Variants in KCNN2 observed in about 807,000 individuals in gnomAD.
The protein encoded by KCNN2 is potassium calcium-activated channel subfamily N member 2, also known as small conductance calcium-activated potassium channel protein 2.
A neutral mutation model predicts 55.5 loss-of-function variants in KCNN2; 24 were observed. The observed-to-expected ratio is 0.43, with a 90% CI of 0.31 to 0.61. The LOEUF (loss-of-function observed/expected upper bound fraction) is 0.61, where lower values mean the gene tolerates loss of function less well. KCNN2 is among the 20% of genes least tolerant of loss of function. The pLI is 0.08. For missense variants in KCNN2, 754 were observed against 853.6 expected (o/e 0.88, Z 1.45); for synonymous variants, 431 against 336.1 (o/e 1.28, Z -3.09).
At chr5:114,161,479 C>T (rs1752780809) in intron 1 of KCNN2, among the ~76,000 whole-genome samples, 1 of 151,420 alleles carries the variant, frequency 6.6e-6, no homozygotes, top group African/African-American at 2.4e-5. Flanking sequence ...AATTATGTGT[C>T]TTGGAGTTGC....
chr5:114,269,293 C>A (rs1482314451), intron 2 of KCNN2, among the ~76,000 whole-genome samples: 8 of 152,120 alleles, frequency 5.3e-5, no homozygotes, highest in Non-Finnish European at 1.2e-4. Context: ...ACATAAGCTA[C>A]CCTAAAGGCA....
intron 1 of KCNN2, among the ~76,000 whole-genome samples, chr5:114,208,376 C>T (rs1753815229): frequency 6.6e-6 from 1 of 152,156 alleles, no homozygotes; most frequent in African/African-American, 2.4e-5. Context: ...ATAGAGGCCA[C>T]TATGTGGGGT....
chr5:114,223,600 C>A (rs190505343), intron 2 of KCNN2, among the ~76,000 whole-genome samples: 2 of 152,176 alleles, frequency 1.3e-5, no homozygotes, highest in African/African-American at 2.4e-5. Context: ...GAAATCACAG[C>A]AATTGTTTTT....
At chr5:114,194,086 G>C (rs1384067130) in intron 1 of KCNN2, among the ~76,000 whole-genome samples, 2 of 151,714 alleles carry the variant, frequency 1.3e-5, no homozygotes, top group Admixed American at 6.6e-5. Flanking sequence ...AGTCACTTAG[G>C]TTTTTTCTAC....
At chr5:114,175,381 C>T (rs977115880) in intron 1 of KCNN2, among the ~76,000 whole-genome samples, 4 of 152,040 alleles carry the variant, frequency 2.6e-5, no homozygotes, top group Non-Finnish European at 2.9e-5. Context: ...AATTTGATTC[C>T]GCCCTTTAAA....
chr5:114,493,775 G>A (rs1747976697), intron 7 of KCNN2, among the ~76,000 whole-genome samples: 1 of 152,112 alleles, frequency 6.6e-6, no homozygotes, highest in Non-Finnish European at 1.5e-5. Context: ...TTATTTGCAT[G>A]TAAATCTCAT....
At chr5:114,309,543 C>T (rs773667492) in intron 2 of KCNN2, among the ~76,000 whole-genome samples, 9 of 152,222 alleles carry the variant, frequency 5.9e-5, no homozygotes, top group Non-Finnish European at 1.3e-4. Context: ...GATCATTCCT[C>T]TATAGGAAAG....
chr5:114,134,209 G>A (rs1241686211), intron 1 of KCNN2, among the ~76,000 whole-genome samples: 1 of 151,074 alleles, frequency 6.6e-6, no homozygotes, highest in Non-Finnish European at 1.5e-5. Context: ...CTCTCTCCTA[G>A]GAAGGATTTT....
At chr5:114,358,663 C>G, upstream of KCNN2, among the ~76,000 whole-genome samples, 1 of 151,694 alleles carries the variant, frequency 6.6e-6, no homozygotes, top group Non-Finnish European at 1.5e-5. Flanking sequence ...TTTTTTTCCC[C>G]CAATGTTTCT....
intron 2 of KCNN2, among the ~76,000 whole-genome samples, chr5:114,237,290 ACT>A (rs1491448331): frequency 7.1e-6 from 1 of 140,014 alleles, no homozygotes; most frequent in Non-Finnish European, 1.6e-5. Context: ...ACACACACAC[ACT>A]CACACACACA....
chr5:114,200,159 T>C (rs1753643562), intron 1 of KCNN2, among the ~76,000 whole-genome samples: 10 of 152,186 alleles, frequency 6.6e-5, no homozygotes, highest in Admixed American at 6.5e-4. Context: ...TCACTTTATG[T>C]AGTCCCAGAT....
At chr5:114,238,256 T>C (rs1487477885) in intron 2 of KCNN2, among the ~76,000 whole-genome samples, 1 of 152,228 alleles carries the variant, frequency 6.6e-6, no homozygotes, top group Non-Finnish European at 1.5e-5. Context: ...TCTTTTTGTT[T>C]ATTTTCTAGA....
chr5:114,253,449 T>C (rs1273382756), intron 2 of KCNN2: 1 of 152,222 alleles, frequency 6.6e-6, no homozygotes, highest in East Asian at 1.9e-4. Context: ...AAATAAGTAC[T>C]AACAATGCTA....
intron 2 of KCNN2, among the ~76,000 whole-genome samples, chr5:114,237,284 ACACACACT>A (rs1754520240): frequency 6.6e-6 from 1 of 150,434 alleles, no homozygotes; most frequent in African/African-American, 2.5e-5. Context: ...ACACACACAC[ACACACACT>A]CACACACACA....
At chr5:114,480,130 A>C (rs977140079) in intron 5 of KCNN2, among the ~76,000 whole-genome samples, 2 of 152,158 alleles carry the variant, frequency 1.3e-5, no homozygotes, top group African/African-American at 4.8e-5. Flanking sequence ...TAGATAGACA[A>C]AGAAGAAAAG....
chr5:114,205,307 A>T (rs747716493), intron 1 of KCNN2, among the ~76,000 whole-genome samples: 2 of 152,254 alleles, frequency 1.3e-5, no homozygotes, highest in African/African-American at 4.8e-5. Flanking sequence ...TATTAAGTTT[A>T]CTGGGCTACT....
chr5:114,382,168 C>T (rs1424503817), intron 2 of KCNN2, among the ~76,000 whole-genome samples: 1 of 152,134 alleles, frequency 6.6e-6, no homozygotes, highest in Non-Finnish European at 1.5e-5. Flanking sequence ...CATAGAAGAC[C>T]TGGCATATAT....
At chr5:114,361,704 G>T (rs1176432796), upstream of KCNN2, among the ~76,000 whole-genome samples, 1 of 152,192 alleles carries the variant, frequency 6.6e-6, no homozygotes, top group South Asian at 2.1e-4. Flanking sequence ...TCCGGGCAGC[G>T]CGTCCGGCAC....
At chr5:114,407,545 G>T in intron 3 of KCNN2, among the ~76,000 whole-genome samples, 1 of 151,546 alleles carries the variant, frequency 6.6e-6, no homozygotes. Context: ...TTTTTCTTTT[G>T]TTTTGGCTTC....
Sources: allele counts gnomAD v4.1 joint callset (sites outside exome capture counted in the v4.1 genomes callset), GRCh38; gene constraint gnomAD v4.1.1; transcripts MANE v1.5; gene names NCBI Gene and HGNC (gene_info 2026-07-23, HGNC 2026-07-21).